The following SLC24A2 variants were observed in gnomAD, a reference collection of about 807,000 sequenced individuals.
SLC24A2 encodes sodium/potassium/calcium exchanger 2.
A neutral mutation model predicts 62.0 loss-of-function variants in SLC24A2; 36 were observed. That is an observed-to-expected ratio of 0.58 (90% CI 0.44 to 0.77). SLC24A2 has a LOEUF of 0.77. Ranked by LOEUF, SLC24A2 falls within the 30% of genes least tolerant of loss-of-function variation. The pLI, the probability that SLC24A2 is intolerant of heterozygous loss-of-function variation, is 0.00. For missense variants in SLC24A2, 846 were observed against 817.9 expected (o/e 1.03, Z -0.42); for synonymous variants, 358 against 294.0 (o/e 1.22, Z -2.23).
chr9:20,181,830 T>G, the SLC24A2 span, among the ~76,000 whole-genome samples: 1 of 152,142 alleles, frequency 6.6e-6, no homozygotes, highest in African/African-American at 2.4e-5. Context: ...AAAGAAATTA[T>G]CAGCAGAATG....
chr9:20,065,912 C>G, the SLC24A2 span, among the ~76,000 whole-genome samples: 1 of 152,274 alleles, frequency 6.6e-6, no homozygotes, highest in South Asian at 2.1e-4. Flanking sequence ...GAATTCTTTT[C>G]TCCCCAAGGG....
At chr9:19,606,010 G>C (rs1836973329) in intron 4 of SLC24A2, among the ~76,000 whole-genome samples, 1 of 152,130 alleles carries the variant, frequency 6.6e-6, no homozygotes, top group South Asian at 2.1e-4. Context: ...CCCCAAGCAG[G>C]GTAGAGAGGG....
rs778833664 is a variant in SLC24A2, at chr9:19,573,429, T to C, written c.1269A>G (p.Glu423=). The change falls in exon 7 of 11, where the codon GAA becomes GAG. Residue 423 remains glutamate, a synonymous_variant. Transcript: ENST00000341998. ...CTGAAGCATCACTGGATGGTGTCAT[T>C]TCAACATCTGTGCTGGTGCTGTTTG... ...ELPNSTSTDV[E]MTPSSDASEP... 15 of 1,613,140 alleles carry C rather than the reference T, an allele frequency of 9.3e-6. No individual in the cohort carries two copies. Among genetic ancestry groups the C allele is most frequent in the Admixed American group, 3.3e-5 (2 of 59,930 alleles).
the SLC24A2 span, among the ~76,000 whole-genome samples, chr9:19,925,924 C>G: frequency 6.6e-6 from 1 of 152,142 alleles, no homozygotes; most frequent in African/African-American, 2.4e-5. Flanking sequence ...AATTTCCAAG[C>G]CAACCTCCAT....
chr9:20,281,905 C>G, the SLC24A2 span, among the ~76,000 whole-genome samples: 5 of 152,128 alleles, frequency 3.3e-5, no homozygotes, highest in African/African-American at 4.8e-5. Flanking sequence ...TAAAATTTCT[C>G]TCAATATTGT....
the SLC24A2 span, among the ~76,000 whole-genome samples, chr9:20,029,937 G>A: frequency 6.6e-6 from 1 of 152,174 alleles, no homozygotes; most frequent in South Asian, 2.1e-4. Flanking sequence ...CACAAAGGGT[G>A]CTGTGGCAGC....
chr9:20,218,829 CT>C, the SLC24A2 span, among the ~76,000 whole-genome samples: 1 of 152,126 alleles, frequency 6.6e-6, no homozygotes, highest in Non-Finnish European at 1.5e-5. Flanking sequence ...CCAGGCCAAG[CT>C]TAGCTGGATT....
chr9:20,034,523 G>A, the SLC24A2 span, among the ~76,000 whole-genome samples: 1 of 136,430 alleles, frequency 7.3e-6, no homozygotes, highest in Non-Finnish European at 1.5e-5. Context: ...GCAGTGGCGC[G>A]ATCTCTGCTC....
chr9:19,959,414 T>G, the SLC24A2 span, among the ~76,000 whole-genome samples: 1 of 152,314 alleles, frequency 6.6e-6, no homozygotes, highest in African/African-American at 2.4e-5. Flanking sequence ...CAAGCGATGA[T>G]CACTCTTGTC....
At chr9:19,555,115 A>G (rs1835018135) in intron 7 of SLC24A2, among the ~76,000 whole-genome samples, 1 of 152,160 alleles carries the variant, frequency 6.6e-6, no homozygotes. Flanking sequence ...TCATGCACCC[A>G]CTTCACATCA....
intron 2 of SLC24A2, among the ~76,000 whole-genome samples, chr9:19,776,426 T>C (rs1822848416): frequency 6.6e-6 from 1 of 152,204 alleles, no homozygotes. Context: ...AGTAAGTACC[T>C]GGTATTAAGC....
chr9:19,557,009 A>G (rs1835124234), intron 7 of SLC24A2, among the ~76,000 whole-genome samples: 1 of 152,208 alleles, frequency 6.6e-6, no homozygotes, highest in African/African-American at 2.4e-5. Context: ...CCAGAATTTC[A>G]GAGTAGGTAA....
intron 4 of SLC24A2, among the ~76,000 whole-genome samples, chr9:19,610,024 C>G (rs758959890): frequency 2.6e-5 from 4 of 152,188 alleles, no homozygotes; most frequent in Admixed American, 6.5e-5. Context: ...GGACCATGAA[C>G]TGGTACCAGT....
At chr9:19,939,666 A>G in the SLC24A2 span, among the ~76,000 whole-genome samples, 1 of 152,212 alleles carries the variant, frequency 6.6e-6, no homozygotes, top group Non-Finnish European at 1.5e-5. Context: ...AAAATAAAGT[A>G]ATTGCACTAT....
chr9:19,729,119 A>T (rs955116690), intron 2 of SLC24A2, among the ~76,000 whole-genome samples: 2 of 152,246 alleles, frequency 1.3e-5, no homozygotes, highest in Non-Finnish European at 2.9e-5. Flanking sequence ...ACTAATGGCC[A>T]GCAAATATAT....
the SLC24A2 span, among the ~76,000 whole-genome samples, chr9:20,104,154 T>C: frequency 6.6e-6 from 1 of 151,452 alleles, no homozygotes; most frequent in Non-Finnish European, 1.5e-5. Context: ...AGAGAAAAAA[T>C]AATAAAAAGA....
intron 8 of SLC24A2, among the ~76,000 whole-genome samples, chr9:19,547,412 A>G (rs914697848): frequency 1.3e-5 from 2 of 152,198 alleles, no homozygotes; most frequent in Admixed American, 6.5e-5. Context: ...GGATTGTGGC[A>G]TCAGCCAGAG....
At chr9:19,586,742 G>C (rs1836384103) in intron 5 of SLC24A2, among the ~76,000 whole-genome samples, 2 of 152,094 alleles carry the variant, frequency 1.3e-5, no homozygotes, top group Admixed American at 1.3e-4. Flanking sequence ...CAGTGCTTGA[G>C]AGCTGATGTT....
chr9:19,786,488 G>T lies in SLC24A2; in HGVS notation c.379C>A (p.Leu127Ile). The T allele has an allele frequency of 6.2e-7, 1 of 1,614,130 alleles. No homozygotes were observed. The highest frequency in any genetic ancestry group is 1.3e-5 in the African/African-American group (1 of 75,040). ...ATCGCACCTTTTCTTCTCTCCTCAA[G>T]GGAAAAGATGTCTTTCGGGTAGTCT... is the stretch of plus-strand genomic sequence containing the variant. ...QGDYPKDIFS[L>I]EERRKGAIIL... Residue 127 changes from leucine to isoleucine, a missense_variant, in exon 2 of 11, where the codon CTT (leucine) becomes ATT (isoleucine). Physicochemically the swap from Leu to Ile is conservative, Grantham distance 5 (BLOSUM62 2). Coordinates refer to ENST00000341998, the MANE Select transcript of SLC24A2 (RefSeq NM_020344.4). The surrounding 1 kb of genome is among the most constrained non-coding windows in gnomAD (Gnocchi z 5.0).
Sources: gnomAD v4.1 joint callset for allele counts (sites outside exome capture counted in the v4.1 genomes callset) on GRCh38, gnomAD v4.1.1 for gene constraint, Gnocchi (gnomAD v3.1) non-coding constraint, MANE v1.5 for transcripts, NCBI Gene and HGNC (gene_info 2026-07-23, HGNC 2026-07-21) for gene names.